The following CREB1 variants were observed in gnomAD, a reference collection of about 807,000 sequenced individuals.
The protein encoded by CREB1 is cAMP responsive element binding protein 1.
In CREB1, 2 loss-of-function variants were observed where a neutral mutation model predicts 42.0. The observed-to-expected ratio is 0.05, with a 90% CI of 0.02 to 0.15. The LOEUF (loss-of-function observed/expected upper bound fraction) is 0.15. Ranked by LOEUF, CREB1 falls within the 10% of genes least tolerant of loss-of-function variation. The pLI, the probability that CREB1 is intolerant of heterozygous loss-of-function variation, is 1.00. For synonymous variants in CREB1, 123 were observed against 139.9 expected, an observed-to-expected ratio of 0.88 and a Z score of 0.85; for missense variants, 199 against 388.9, an observed-to-expected ratio of 0.51 and a Z score of 4.11.
chr2:207,560,584 G>A (rs899852130), intron 3 of CREB1, among the ~76,000 whole-genome samples: 1 of 152,170 alleles, frequency 6.6e-6, no homozygotes, highest in Non-Finnish European at 1.5e-5. Flanking sequence ...TTCTTAAGCT[G>A]CAGAGGAAAA....
chr2:207,553,327 C>G (rs1334320520), intron 1 of CREB1, among the ~76,000 whole-genome samples: 1 of 152,158 alleles, frequency 6.6e-6, no homozygotes, highest in Non-Finnish European at 1.5e-5. Flanking sequence ...CTTTGGCCTC[C>G]TAAAGTGCTG....
At chr2:207,549,053 C>T (rs2106413723) in intron 1 of CREB1, among the ~76,000 whole-genome samples, 1 of 152,258 alleles carries the variant, frequency 6.6e-6, no homozygotes, top group South Asian at 2.1e-4. Flanking sequence ...ACAGGGAAAA[C>T]TCAGCTTGAT....
chr2:207,563,977 G>C (rs1025072300), intron 3 of CREB1, among the ~76,000 whole-genome samples: 88 of 151,980 alleles, frequency 5.8e-4, no homozygotes, highest in African/African-American at 2.1e-3. Context: ...TTTTAATGAA[G>C]CATATTATGT....
At chr2:207,541,234 T>C (rs2081088100) in intron 1 of CREB1, among the ~76,000 whole-genome samples, 1 of 151,868 alleles carries the variant, frequency 6.6e-6, no homozygotes, top group African/African-American at 2.4e-5. Context: ...AAAAAAAAAT[T>C]AGCCTAAGTA....
At chr2:207,534,530 A>G (rs915744636) in intron 1 of CREB1, 3 of 152,208 alleles carry the variant, frequency 2.0e-5, no homozygotes, top group African/African-American at 4.8e-5. Context: ...TATTATTACT[A>G]TATGTAATAC....
At chr2:207,586,941 C>T (rs1054103096) in intron 7 of CREB1, among the ~76,000 whole-genome samples, 6 of 152,230 alleles carry the variant, frequency 3.9e-5, no homozygotes, top group Admixed American at 1.3e-4. Flanking sequence ...TAGGAAGTAT[C>T]ATTAGTTAGA....
rs1364889790 is a variant in CREB1 at position 207,597,240 on chromosome 2, C to A, written c.*182C>A. 5.3e-6 allele frequency: 3 copies of A among 563,456 alleles called. No homozygotes were observed. The highest frequency in any genetic ancestry group is 8.5e-6 in the Non-Finnish European group (3 of 352,450). 34.9% of individuals were successfully genotyped at this position (563,456 alleles called of 1,614,324 possible). On this transcript the variant is annotated 3_prime_UTR_variant, in exon 8 of 8. Coordinates refer to ENST00000353267, the MANE Select transcript of CREB1 (RefSeq NM_004379.5). ...GCATTAAACTGTGAATGTTCCAACA[C>A]CTGCCTCCACTTCTCCCCTCAAGAA...
Position 207,536,669 on chromosome 2 carries a change from T to G in CREB1, c.-9+6535T>G, listed in dbSNP as rs182099349. On this transcript the variant is annotated intron_variant, in intron 1 of 7. Transcript: ENST00000353267. ...AATGTAAGAATATTGTTTTGAGGTT[T>G]TACTAATATTTGATTTAAAATATTA... 2.1e-3 allele frequency among the ~76,000 whole-genome samples: 323 copies of G among 152,298 alleles called. 3 individuals carry two copies. Among genetic ancestry groups the G allele is most frequent in the African/African-American group, 7.4e-3 (306 of 41,566 alleles).
chr2:207,599,741 A>G lies in CREB1; in HGVS notation c.*2683A>G. 1 of 195,980 alleles carries G rather than the reference A, an allele frequency of 5.1e-6. No individual in the cohort carries two copies. Among genetic ancestry groups the G allele is most frequent in the Non-Finnish European group, 1.1e-5 (1 of 94,436 alleles). The allele number at this position is 195,980 out of a possible 1,614,324, so 12.1% of individuals were successfully genotyped here. A position where few individuals can be genotyped will look rare whatever the true frequency, so the allele number is the denominator to read the frequency against. ...TGGGGAGGTTTGTTTGTAAGCATGAAACTTTGAGAATCTTTATTAAGAAAA... is the reference window on the plus strand; with the variant it reads ...TGGGGAGGTTTGTTTGTAAGCATGAGACTTTGAGAATCTTTATTAAGAAAA... On this transcript the variant is annotated 3_prime_UTR_variant, in exon 8 of 8. Coordinates refer to ENST00000353267, the MANE Select transcript of CREB1 (RefSeq NM_004379.5).
chr2:207,590,250 G>A (rs1229543604), intron 7 of CREB1, among the ~76,000 whole-genome samples: 3 of 151,806 alleles, frequency 2.0e-5, no homozygotes, highest in African/African-American at 7.3e-5. Flanking sequence ...TTCTTTTACT[G>A]TATGGGATGT....
chr2:207,596,320 T>C (rs2086151338), intron 7 of CREB1, among the ~76,000 whole-genome samples: 1 of 152,232 alleles, frequency 6.6e-6, no homozygotes, highest in South Asian at 2.1e-4. Context: ...GTTTTCTTAG[T>C]TATTGATATG....
intron 2 of CREB1, 29 bp from the exon 3 acceptor site, chr2:207,560,197 A>T (rs1294130167): frequency 1.3e-6 from 2 of 1,531,452 alleles, no homozygotes; most frequent in Non-Finnish European, 1.8e-6. Flanking sequence ...GTCTGGGATG[A>T]TAATTCTTTT....
chr2:207,537,086 TTCTC>T lies in CREB1; in HGVS notation c.-9+6954_-9+6957del, dbSNP rs565816226. On this transcript the variant is annotated intron_variant, in intron 1 of 7. Transcript: ENST00000353267. ...TGTTGTTGTTGTTGAGACGGAGTCT[TTCTC>T]TGTTGCCAGGCTGGAGTGCAGTGGT... 1.6e-4 allele frequency among the ~76,000 whole-genome samples: 25 copies of T among 152,204 alleles called. No homozygotes were observed. In the South Asian group the frequency reaches 5.2e-3, roughly 32 times the overall value.
chr2:207,559,997 A>G (rs549405098), intron 2 of CREB1, among the ~76,000 whole-genome samples: 67 of 152,274 alleles, frequency 4.4e-4, no homozygotes, highest in African/African-American at 1.5e-3. Context: ...ATAGTTTTTA[A>G]TTTTTTGTCA....
Position 207,605,802 on chromosome 2 carries a change from T to C in CREB1, c.*8744T>C, listed in dbSNP as rs1207109079. The stretch of plus-strand genomic sequence containing the variant: ...GGTAACTAGGTCTACACAAGTTGTA[T>C]CTCCAGGATACTGAGAAGTAAAAGT... On this transcript the variant is annotated 3_prime_UTR_variant, in exon 8 of 8. Transcript: ENST00000353267. 6.6e-6 allele frequency among the ~76,000 whole-genome samples: 1 copy of C among 152,258 alleles called. No individual in the cohort carries two copies. Among genetic ancestry groups the C allele is most frequent in the Admixed American group, 6.5e-5 (1 of 15,284 alleles).
chr2:207,582,663 GT>G (rs928579105), intron 7 of CREB1, among the ~76,000 whole-genome samples: 10 of 152,044 alleles, frequency 6.6e-5, no homozygotes, highest in African/African-American at 2.4e-4. Context: ...GGAATGAGCT[GT>G]TTTTCCAATG....
rs1229579995 is a variant in CREB1, at chr2:207,575,352, A to G, written c.586A>G (p.Thr196Ala). The G allele has an allele frequency of 2.5e-6, 4 of 1,614,192 alleles. No homozygotes were observed. Among genetic ancestry groups the G allele is most frequent in the Non-Finnish European group, 3.4e-6 (4 of 1,180,010 alleles). Residue 196 changes from threonine (T) to alanine (A), a missense_variant, in exon 6 of 8, where the codon ACC (threonine) becomes GCC (alanine). By Grantham distance (58) the Thr-to-Ala change is moderately conservative. This residue lies in a region of CREB1 where 66 missense variants were observed against 88.1 expected (regional missense o/e 0.75). Coordinates refer to ENST00000353267, the MANE Select transcript of CREB1 (RefSeq NM_004379.5). ...ACAGGGCCTGCAAACATTAACCATG[A>G]CCAATGCAGCAGCCACTCAGCCGGG... The part of the protein sequence containing the change: ...GVQGLQTLTM[T>A]NAAATQPGTT...
intron 1 of CREB1, among the ~76,000 whole-genome samples, chr2:207,547,301 T>G (rs931209230): frequency 6.6e-6 from 1 of 152,268 alleles, no homozygotes; most frequent in Non-Finnish European, 1.5e-5. Flanking sequence ...GTAATCACTT[T>G]GATTTTCTTA....
In CREB1 at chr2:207,569,729, A is replaced by G. The variant is rs144450886; in HGVS notation, c.363-450A>G. 1.3e-4 allele frequency among the ~76,000 whole-genome samples: 19 copies of G among 151,902 alleles called. No individual in the cohort carries two copies. In the East Asian group the frequency reaches 3.5e-3, roughly 28 times the overall value. ...TCAATCCCTGACCCATGAAGAGTTT[A>G]TTCATGTAATTTATATATTTTAAAC... On this transcript the variant is annotated intron_variant, in intron 4 of 7. Transcript: ENST00000353267.
Sources: gnomAD v4.1 joint callset for allele counts (sites outside exome capture counted in the v4.1 genomes callset) on GRCh38, gnomAD v4.1.1 for gene constraint, gnomAD v4.1.1 regional missense constraint, MANE v1.5 for transcripts, NCBI Gene and HGNC (gene_info 2026-07-23, HGNC 2026-07-21) for gene names.